The following AGMO variants were observed in gnomAD, a reference collection of about 807,000 sequenced individuals.
AGMO encodes the protein glyceryl-ether monooxygenase.
Under a neutral mutation model 60.2 loss-of-function variants are expected in AGMO, and 75 were observed. That is an observed-to-expected ratio of 1.25 (90% confidence interval 1.03 to 1.51). The LOEUF is 1.51. Among genes scored for constraint, AGMO ranks in the 40% most tolerant of loss-of-function variants. The probability of loss-of-function intolerance (pLI) is 0.00; values close to 1 mark genes in which losing one functional copy is unlikely to be tolerated. For missense variants in AGMO, 763 were observed against 525.5 expected, an observed-to-expected ratio of 1.45 and a Z score of -4.42; for synonymous variants, 261 against 177.1, an observed-to-expected ratio of 1.47 and a Z score of -3.76.
intron 12 of AGMO, among the ~76,000 whole-genome samples, chr7:15,233,789 C>G (rs1325086864): frequency 1.3e-5 from 2 of 152,138 alleles, no homozygotes; most frequent in Admixed American, 6.5e-5. Flanking sequence ...CAGTGGCTCA[C>G]ACCTGTAATC....
intron 8 of AGMO, among the ~76,000 whole-genome samples, chr7:15,389,610 TTACG>T (rs1205010358): frequency 6.6e-6 from 1 of 152,100 alleles, no homozygotes; most frequent in Non-Finnish European, 1.5e-5. Flanking sequence ...TTATGGCCCT[TTACG>T]TAAAGAGGCA....
the AGMO span, among the ~76,000 whole-genome samples, chr7:15,172,595 C>T: frequency 6.6e-6 from 1 of 152,118 alleles, no homozygotes; most frequent in African/African-American, 2.4e-5. Context: ...TGGTTGAGTA[C>T]ACTTTTTTTT....
intron 5 of AGMO, among the ~76,000 whole-genome samples, chr7:15,403,226 A>T (rs990725449): frequency 1.3e-4 from 19 of 151,972 alleles, no homozygotes; most frequent in Non-Finnish European, 2.7e-4. Context: ...CTGAAAATTA[A>T]TTTTAGTGTA....
At chr7:15,229,939 T>C (rs898042658) in intron 12 of AGMO, among the ~76,000 whole-genome samples, 4 of 151,612 alleles carry the variant, frequency 2.6e-5, no homozygotes, top group Non-Finnish European at 4.4e-5. Context: ...GATTGTCATC[T>C]TGTAACTCCC....
chr7:15,503,798 C>A (rs948097355), intron 3 of AGMO, among the ~76,000 whole-genome samples: 1 of 151,968 alleles, frequency 6.6e-6, no homozygotes, highest in Non-Finnish European at 1.5e-5. Flanking sequence ...GGAACATAAG[C>A]ATTTACTCAT....
intron 10 of AGMO, among the ~76,000 whole-genome samples, chr7:15,371,370 G>A (rs1292886801): frequency 2.0e-5 from 3 of 150,780 alleles, no homozygotes; most frequent in South Asian, 2.1e-4. Context: ...ACAGGCACAT[G>A]CTACCGTGCG....
At chr7:15,392,777 C>T (rs1460826162) in intron 6 of AGMO, among the ~76,000 whole-genome samples, 3 of 150,828 alleles carry the variant, frequency 2.0e-5, no homozygotes, top group African/African-American at 4.9e-5. Context: ...CCAGCCTGGG[C>T]GACAGAATGA....
intron 12 of AGMO, among the ~76,000 whole-genome samples, chr7:15,353,632 A>G (rs116407374): frequency 0.011 from 1,633 of 152,302 alleles, 35 homozygotes; most frequent in African/African-American, 0.038. Context: ...GAAAACACCT[A>G]TGTTCTGATG....
chr7:15,121,818 A>G, the AGMO span, among the ~76,000 whole-genome samples: 2 of 152,238 alleles, frequency 1.3e-5, no homozygotes, highest in South Asian at 2.1e-4. Context: ...CGGGGAAAGG[A>G]TTCCCTACTT....
chr7:15,351,240 A>G (rs907878594), intron 12 of AGMO, among the ~76,000 whole-genome samples: 2 of 152,086 alleles, frequency 1.3e-5, no homozygotes, highest in Admixed American at 1.3e-4. Flanking sequence ...ACTTATCTCT[A>G]TTGTTTTTAC....
At chr7:15,272,736 A>G (rs1001174897) in intron 12 of AGMO, among the ~76,000 whole-genome samples, 2 of 152,216 alleles carry the variant, frequency 1.3e-5, no homozygotes, top group Non-Finnish European at 2.9e-5. Context: ...ACTAGTTTAC[A>G]GTGCCACCAA....
chr7:15,215,106 T>G (rs1781698767), intron 12 of AGMO, among the ~76,000 whole-genome samples: 1 of 152,056 alleles, frequency 6.6e-6, no homozygotes, highest in African/African-American at 2.4e-5. Context: ...AATCGAATAC[T>G]AGCATTTTCT....
chr7:15,555,290 TATAC>T (rs1243020496), intron 2 of AGMO, among the ~76,000 whole-genome samples: 5,170 of 103,128 alleles, frequency 0.05, 101 homozygotes, highest in Non-Finnish European at 0.062. Flanking sequence ...TATATATATA[TATAC>T]ACACACACAC....
chr7:15,378,750 GC>G (rs1783559035), intron 10 of AGMO, among the ~76,000 whole-genome samples: 1 of 151,706 alleles, frequency 6.6e-6, no homozygotes, highest in East Asian at 1.9e-4. Context: ...ATTCTATAGT[GC>G]CTTTCTAATC....
Position 15,503,292 on chromosome 7 carries a change from G to A in AGMO, c.409+41480C>T, listed in dbSNP as rs57052765. 2.3e-3 allele frequency among the ~76,000 whole-genome samples: 355 copies of A among 151,978 alleles called. 2 individuals carry two copies. The highest frequency in any genetic ancestry group is 7.9e-3 in the African/African-American group (329 of 41,464). ...TTAATGCTCACAAGCACCTTGAGAG[G>A]GAGGTTTTATTATCCAGATTTTACA... On this transcript the variant is annotated intron_variant, in intron 3 of 12. Transcript: ENST00000342526.
At chr7:15,496,377 G>A (rs571997825) in intron 3 of AGMO, among the ~76,000 whole-genome samples, 1 of 152,252 alleles carries the variant, frequency 6.6e-6, no homozygotes, top group East Asian at 1.9e-4. Context: ...ACAAATTACT[G>A]TATTTCAGAT....
At chr7:15,378,224 A>G (rs2128570130) in intron 10 of AGMO, among the ~76,000 whole-genome samples, 1 of 152,172 alleles carries the variant, frequency 6.6e-6, no homozygotes, top group Admixed American at 6.6e-5. Flanking sequence ...ATATTTGGAC[A>G]GACAGCACAT....
At chr7:15,383,833 T>TAAAAAGAAAAATACAA (rs1554264406) in intron 10 of AGMO, among the ~76,000 whole-genome samples, 8 of 152,230 alleles carry the variant, frequency 5.3e-5, no homozygotes, top group African/African-American at 1.9e-4. Flanking sequence ...TTAGGCTTTT[T>TAAAAAGAAAAATACAA]CAGAGTTCTT....
intron 12 of AGMO, among the ~76,000 whole-genome samples, chr7:15,223,003 G>A (rs537478615): frequency 1.3e-5 from 2 of 151,980 alleles, no homozygotes; most frequent in Middle Eastern, 3.4e-3. Flanking sequence ...GCATGAGTGT[G>A]CATGTCTATG....
Sources: gnomAD v4.1 joint callset for allele counts (sites outside exome capture counted in the v4.1 genomes callset) on GRCh38, gnomAD v4.1.1 for gene constraint, MANE v1.5 for transcripts, NCBI Gene and HGNC (gene_info 2026-07-23, HGNC 2026-07-21) for gene names.